Variants in ASPHD2 observed in about 807,000 individuals in gnomAD.
ASPHD2 encodes the protein aspartate beta-hydroxylase domain containing 2.
ASPHD2 carries 12 observed loss-of-function variants against 34.6 expected under a neutral mutation model. That is an observed-to-expected ratio of 0.35 (90% CI 0.22 to 0.56). The LOEUF is 0.56. ASPHD2 is among the 20% of genes least tolerant of loss of function. The pLI is 0.87. For missense variants in ASPHD2, 375 were observed against 505.0 expected, an observed-to-expected ratio of 0.74 and a Z score of 2.47; for synonymous variants, 224 against 212.2, an observed-to-expected ratio of 1.06 and a Z score of -0.48.
intron 2 of ASPHD2, among the ~76,000 whole-genome samples, chr22:26,439,858 T>C (rs1426022747): frequency 1.3e-5 from 2 of 152,212 alleles, no homozygotes; most frequent in African/African-American, 4.8e-5. Flanking sequence ...ATGTGGCCTC[T>C]TTATTTGAAT....
chr22:26,436,631 C>A (rs1257820547), intron 2 of ASPHD2, among the ~76,000 whole-genome samples: 1 of 152,134 alleles, frequency 6.6e-6, no homozygotes, highest in Non-Finnish European at 1.5e-5. Context: ...AGAATGGAGG[C>A]CGTGGGCAAT....
chr22:26,439,881 C>T (rs1435420903), intron 2 of ASPHD2, among the ~76,000 whole-genome samples: 2 of 152,154 alleles, frequency 1.3e-5, no homozygotes, highest in Admixed American at 6.5e-5. Context: ...TTACTGTGAA[C>T]GTACTTCCTG....
rs2084768863 is a variant in ASPHD2 at position 26,433,412 on chromosome 22, TC to T, written c.-202del. 1.8e-6 allele frequency: 1 copy of T among 556,982 alleles called. No homozygotes were observed. The highest frequency in any genetic ancestry group is 3.1e-6 in the Non-Finnish European group (1 of 317,480). The allele number at this position is 556,982 out of a possible 1,614,324, so 34.5% of individuals were successfully genotyped here. ...CCCAGGTTTGGTTTTCCTAAACAAATCCTTTCACAGGGACCGACGGCACTTG... is the reference window on the plus strand; with the variant it reads ...CCCAGGTTTGGTTTTCCTAAACAAATCTTTCACAGGGACCGACGGCACTTG... On this transcript the variant is annotated 5_prime_UTR_variant, in exon 2 of 4. Transcript: ENST00000215906. This position sits in a 1 kb window ranked among gnomAD's most constrained non-coding sequence, Gnocchi z 5.1.
chr22:26,439,417 T>G (rs1398104559), intron 2 of ASPHD2, among the ~76,000 whole-genome samples: 6 of 152,090 alleles, frequency 3.9e-5, no homozygotes, highest in Admixed American at 6.5e-5. Flanking sequence ...TAATAATAAA[T>G]AAAGAAAAAT....
intron 2 of ASPHD2, among the ~76,000 whole-genome samples, chr22:26,438,844 G>C (rs147439187): frequency 6.6e-6 from 1 of 151,936 alleles, no homozygotes; most frequent in Non-Finnish European, 1.5e-5. Context: ...AGGAAGCTTC[G>C]AGCACTGGAG....
Position 26,433,337 on chromosome 22 carries a change from A to C in ASPHD2, c.-224-55A>C. ...AGAACGATCTAACACTTTACATTTC[A>C]GTTGAGGACTTTTCCAGGTGTAAAA... On this transcript the variant is annotated intron_variant, in intron 1 of 3. Transcript: ENST00000215906. This position sits in a 1 kb window ranked among gnomAD's most constrained non-coding sequence, Gnocchi z 5.1. The C allele has an allele frequency of 2.0e-6, 1 of 495,174 alleles. No individual in the cohort carries two copies. The highest frequency in any genetic ancestry group is 3.6e-6 in the Non-Finnish European group (1 of 278,474). The allele number at this position is 495,174 out of a possible 1,614,324, so 30.7% of individuals were successfully genotyped here.
intron 2 of ASPHD2, among the ~76,000 whole-genome samples, chr22:26,440,553 C>G (rs143753937): frequency 6.6e-6 from 1 of 151,800 alleles, no homozygotes; most frequent in Non-Finnish European, 1.5e-5. Context: ...AGGCTGGTCT[C>G]GAACTCTTGG....
chr22:26,438,608 CATATAT>C (rs35169865), intron 2 of ASPHD2, among the ~76,000 whole-genome samples: 2 of 128,990 alleles, frequency 1.6e-5, no homozygotes, highest in African/African-American at 2.9e-5. Flanking sequence ...CACATATATA[CATATAT>C]ATATACACAC....
At position 26,434,289 on chromosome 22, in the gene ASPHD2, G is replaced by A. The variant is rs146331448; in HGVS notation, c.674G>A (p.Ser225Asn). ...GGATGGAAAATGAACAGCACCCCCA[G>A]CGGGGAGTGGTTCACCTTTTACTTG... ...PQGWKMNSTPSGEWFTFYLVN... is the reference protein window; with the variant it reads ...PQGWKMNSTPNGEWFTFYLVN... Residue 225 changes from serine to asparagine, a missense_variant, in exon 2 of 4, where the codon AGC becomes AAC. By Grantham distance (46) the Ser-to-Asn change is conservative (BLOSUM62 1). Around this residue, in one of 3 missense-constraint regions of ASPHD2, gnomAD observed 142 missense variants for 217.9 expected, o/e 0.65. Coordinates refer to ENST00000215906, the MANE Select transcript of ASPHD2 (RefSeq NM_020437.5). 3 of 1,614,220 alleles carry A rather than the reference G, an allele frequency of 1.9e-6. No individual in the cohort carries two copies. Among genetic ancestry groups the A allele is most frequent in the Admixed American group, 1.7e-5 (1 of 60,034 alleles).
intron 1 of ASPHD2, among the ~76,000 whole-genome samples, chr22:26,430,533 T>C (rs188644915): frequency 6.6e-6 from 1 of 152,304 alleles, no homozygotes; most frequent in Non-Finnish European, 1.5e-5. Context: ...GAAGCTACTG[T>C]GGTCACTGGG....
At chr22:26,438,518 T>TACACATAC (rs1555883295) in intron 2 of ASPHD2, among the ~76,000 whole-genome samples, 5 of 104,662 alleles carry the variant, frequency 4.8e-5, no homozygotes, top group Non-Finnish European at 8.7e-5. Flanking sequence ...TATACATACA[T>TACACATAC]ATATATACAT....
intron 2 of ASPHD2, among the ~76,000 whole-genome samples, chr22:26,438,478 TAC>T (rs746025012): frequency 1.8e-5 from 2 of 109,180 alleles, no homozygotes; most frequent in African/African-American, 2.9e-5. Flanking sequence ...CACATATATA[TAC>T]ATATATATAG....
intron 2 of ASPHD2, among the ~76,000 whole-genome samples, chr22:26,437,045 G>A (rs2084797086): frequency 6.6e-6 from 1 of 152,170 alleles, no homozygotes; most frequent in Non-Finnish European, 1.5e-5. Flanking sequence ...GAGCTCCCTG[G>A]TTGGGTTTTC....
intron 2 of ASPHD2, among the ~76,000 whole-genome samples, chr22:26,440,941 G>C (rs143729919): frequency 8.5e-5 from 13 of 152,350 alleles, no homozygotes; most frequent in African/African-American, 3.1e-4. Flanking sequence ...AGAGTGTAGT[G>C]CAAATGTCAG....
At position 26,434,405 on chromosome 22, in the gene ASPHD2, A is replaced by C; in HGVS notation, c.790A>C (p.Asn264His). 1 of 1,614,166 alleles carries C rather than the reference A, an allele frequency of 6.2e-7. No individual in the cohort carries two copies. Among genetic ancestry groups the C allele is most frequent in the Non-Finnish European group, 8.5e-7 (1 of 1,180,018 alleles). Residue 264 changes from asparagine to histidine, a missense_variant, in exon 2 of 4, where the codon AAT becomes CAT. Physicochemically the swap from Asn to His is moderately conservative, Grantham distance 68. Transcript: ENST00000215906. ...LGSLRTCIGN[N>H]VFGNACISVL... ...AAGCCTTCGGACCTGTATTGGGAACAATGTTTTTGGGAACGCGTGCATCTC... is the reference window on the plus strand; with the variant it reads ...AAGCCTTCGGACCTGTATTGGGAACCATGTTTTTGGGAACGCGTGCATCTC...
rs1320649337 is a variant in ASPHD2 at position 26,438,842 on chromosome 22, T to G, written c.887-3617T>G. On this transcript the variant is annotated intron_variant, in intron 2 of 3. Transcript: ENST00000215906. Reference sequence around the variant, plus strand: ...GTCCGATGTTTGAGGGCAGGAAGCTTCGAGCACTGGAGAAAGATACAGGCT... The same window carrying G: ...GTCCGATGTTTGAGGGCAGGAAGCTGCGAGCACTGGAGAAAGATACAGGCT... Among the ~76,000 whole-genome samples the G allele has an allele frequency of 4.6e-5, 7 of 151,970 alleles. No homozygotes were observed. In the East Asian group the frequency reaches 1.4e-3, roughly 29 times the overall value.
chr22:26,438,652 C>CAT (rs143431842), intron 2 of ASPHD2, among the ~76,000 whole-genome samples: 74,454 of 121,918 alleles, frequency 0.61, 21,585 homozygotes, highest in East Asian at 0.65. Context: ...TATACACATA[C>CAT]ATATATATAT....
intron 2 of ASPHD2, among the ~76,000 whole-genome samples, chr22:26,438,534 TATACAC>T (rs2084811039): frequency 6.9e-6 from 1 of 145,006 alleles, no homozygotes; most frequent in East Asian, 2.1e-4. Flanking sequence ...TACATACATA[TATACAC>T]ATACATATAT....
Position 26,433,331 on chromosome 22 carries a change from C to T in ASPHD2, c.-224-61C>T. ...TCCTACAGAACGATCTAACACTTTA[C>T]ATTTCAGTTGAGGACTTTTCCAGGT... is the stretch of plus-strand genomic sequence containing the variant. On this transcript the variant is annotated intron_variant, in intron 1 of 3. Coordinates refer to ENST00000215906, the MANE Select transcript of ASPHD2 (RefSeq NM_020437.5). The surrounding 1 kb of genome is among the most constrained non-coding windows in gnomAD (Gnocchi z 5.1). The T allele has an allele frequency of 2.1e-6, 1 of 484,274 alleles. No homozygotes were observed. Among genetic ancestry groups the T allele is most frequent in the Non-Finnish European group, 3.7e-6 (1 of 271,178 alleles). 30.0% of individuals were successfully genotyped at this position (484,274 alleles called of 1,614,324 possible).
Sources: allele counts gnomAD v4.1 joint callset (sites outside exome capture counted in the v4.1 genomes callset), GRCh38; gene constraint gnomAD v4.1.1; regional missense constraint gnomAD v4.1.1; non-coding constraint Gnocchi (gnomAD v3.1); transcripts MANE v1.5; gene names NCBI Gene and HGNC (gene_info 2026-07-23, HGNC 2026-07-21).